Variants in HFM1 observed in about 807,000 individuals in gnomAD.
HFM1 encodes helicase for meiosis 1, also known as probable ATP-dependent DNA helicase HFM1.
HFM1 carries 169 observed loss-of-function variants against 192.1 expected under a neutral mutation model. The observed-to-expected ratio is 0.88, with a 90% CI of 0.78 to 1.00. HFM1 has a LOEUF of 1.00. Among genes scored for constraint, HFM1 ranks in the 50% least tolerant of loss-of-function variants. The pLI, the probability that HFM1 is intolerant of heterozygous loss-of-function variation, is 0.00. For synonymous variants in HFM1, 525 were observed against 537.8 expected (o/e 0.98, Z 0.33); for missense variants, 1,661 against 1,668.0 (o/e 1.00, Z 0.07).
chr1:91,353,199 A>C (rs915589849), intron 14 of HFM1, 47 bp from the exon 15 acceptor site: 1 of 1,553,564 alleles, frequency 6.4e-7, no homozygotes, highest in African/African-American at 1.4e-5. Context: ...TTCATCAATA[A>C]TTGGCACCTT....
chr1:91,394,784 G>A (rs1047378914), intron 3 of HFM1, among the ~76,000 whole-genome samples: 2 of 151,958 alleles, frequency 1.3e-5, no homozygotes, highest in Non-Finnish European at 2.9e-5. Flanking sequence ...TATATAAAAT[G>A]TTACCAAACA....
intron 13 of HFM1, among the ~76,000 whole-genome samples, chr1:91,368,351 G>T (rs1036742451): frequency 6.6e-6 from 1 of 152,184 alleles, no homozygotes; most frequent in African/African-American, 2.4e-5. Context: ...CAGAGAGAAA[G>T]GTTGGGTTAC....
At chr1:91,359,253 G>A (rs1371598661) in intron 13 of HFM1, among the ~76,000 whole-genome samples, 1 of 152,142 alleles carries the variant, frequency 6.6e-6, no homozygotes, top group Non-Finnish European at 1.5e-5. Context: ...TGGAGGCTGA[G>A]ATGGCTGAAT....
At chr1:91,371,827 C>G (rs2101928947) in intron 13 of HFM1, among the ~76,000 whole-genome samples, 1 of 152,256 alleles carries the variant, frequency 6.6e-6, no homozygotes, top group South Asian at 2.1e-4. Context: ...AAAATTTTTG[C>G]CATCTACTCA....
chr1:91,345,621 C>G (rs1656029093), intron 19 of HFM1, among the ~76,000 whole-genome samples: 1 of 152,154 alleles, frequency 6.6e-6, no homozygotes, highest in African/African-American at 2.4e-5. Flanking sequence ...TGACTCAAGG[C>G]ATTTCGAACT....
intron 37 of HFM1, 35 bp from the exon 38 acceptor site, chr1:91,262,427 G>A (rs1665254342): frequency 3.2e-6 from 5 of 1,580,150 alleles, no homozygotes; most frequent in Non-Finnish European, 4.3e-6. Flanking sequence ...ATCATTGAAA[G>A]TTTAAGCACT....
At chr1:91,302,498 G>T (rs1248652461) in intron 30 of HFM1, among the ~76,000 whole-genome samples, 3 of 152,014 alleles carry the variant, frequency 2.0e-5, no homozygotes, top group Admixed American at 2.0e-4. Flanking sequence ...GTTTATTGTG[G>T]CCCTATTCAC....
chr1:91,337,790 A>G (rs1654796241), intron 20 of HFM1, among the ~76,000 whole-genome samples: 1 of 152,234 alleles, frequency 6.6e-6, no homozygotes, highest in African/African-American at 2.4e-5. Context: ...GTGCAAAGGA[A>G]GAGAACCCTC....
intron 13 of HFM1, among the ~76,000 whole-genome samples, chr1:91,371,146 C>A (rs1264727584): frequency 6.6e-6 from 1 of 151,918 alleles, no homozygotes; most frequent in South Asian, 2.1e-4. Flanking sequence ...GAATCAATAT[C>A]CTGAAAATGG....
In HFM1 at chr1:91,324,781, A is replaced by T; in HGVS notation, c.2336-15T>A. ...TCTTCCTGCTTCTGTAAGAAAAGAC[A>T]GAAAAATGAACGGTCCCCTCATCAG... On this transcript the variant is annotated splice_polypyrimidine_tract_variant and intron_variant, in intron 20 of 38. Transcript: ENST00000370425. The T allele has an allele frequency of 7.2e-7, 1 of 1,385,222 alleles. No homozygotes were observed. The highest frequency in any genetic ancestry group is 1.0e-6 in the Non-Finnish European group (1 of 972,686). 85.8% of individuals were successfully genotyped at this position (1,385,222 alleles called of 1,614,324 possible). A position where few individuals can be genotyped will look rare whatever the true frequency, so the allele number is the denominator to read the frequency against.
chr1:91,274,417 C>T (rs1291435103), intron 33 of HFM1, among the ~76,000 whole-genome samples: 1 of 151,962 alleles, frequency 6.6e-6, no homozygotes, highest in Non-Finnish European at 1.5e-5. Flanking sequence ...ACATGATTTC[C>T]ATTTTAAAGT....
At chr1:91,377,919 C>T in intron 11 of HFM1, 106 bp downstream of exon 11, 2 of 953,322 alleles carry the variant, frequency 2.1e-6, no homozygotes, top group South Asian at 2.9e-5. Flanking sequence ...ACATACTTTC[C>T]TATTAAAGGA....
At chr1:91,325,680 A>G (rs1481416690) in intron 20 of HFM1, among the ~76,000 whole-genome samples, 1 of 152,224 alleles carries the variant, frequency 6.6e-6, no homozygotes, top group Non-Finnish European at 1.5e-5. Flanking sequence ...TGTGAAGACT[A>G]GAATAAATAC....
At chr1:91,320,764 A>G (rs549053811) in intron 23 of HFM1, among the ~76,000 whole-genome samples, 1 of 152,092 alleles carries the variant, frequency 6.6e-6, no homozygotes, top group Admixed American at 6.6e-5. Flanking sequence ...GTGATGTCCT[A>G]TGATCTTACC....
At chr1:91,316,281 C>T in intron 26 of HFM1, 97 bp from the exon 27 acceptor site, 1 of 1,000,226 alleles carries the variant, frequency 1.0e-6, no homozygotes, top group Non-Finnish European at 1.5e-6. Flanking sequence ...TGCTTATCAC[C>T]CAAAAGTAAG....
Position 91,272,373 on chromosome 1 carries a change from T to TA in HFM1, c.3772+1338dup, listed in dbSNP as rs113754966. Among the ~76,000 whole-genome samples, 34 of 148,812 alleles carry TA rather than the reference T, an allele frequency of 2.3e-4. No homozygotes were observed. The Middle Eastern group carries it at 0.01, about 45-fold the overall frequency. On this transcript the variant is annotated intron_variant, in intron 34 of 38. Coordinates refer to ENST00000370425, the MANE Select transcript of HFM1 (RefSeq NM_001017975.6). ...ACTACTATACCATGCAGCAACTTCTTAAAAAAAAAATGGCCCACTCAGTAA... is the reference window on the plus strand; with the variant it reads ...ACTACTATACCATGCAGCAACTTCTTAAAAAAAAAAATGGCCCACTCAGTAA...
At chr1:91,296,385 A>T (rs1434182218) in intron 30 of HFM1, among the ~76,000 whole-genome samples, 1 of 152,144 alleles carries the variant, frequency 6.6e-6, no homozygotes, top group Non-Finnish European at 1.5e-5. Flanking sequence ...TAATGTGTCT[A>T]TCCTTATGCC....
At chr1:91,372,335 A>G (rs1431074295) in intron 13 of HFM1, among the ~76,000 whole-genome samples, 1 of 152,234 alleles carries the variant, frequency 6.6e-6, no homozygotes, top group Non-Finnish European at 1.5e-5. Flanking sequence ...CTTGGAACCA[A>G]CCCAAATGTC....
At chr1:91,401,221 C>A in intron 1 of HFM1, 112 bp from the exon 2 acceptor site, 1 of 572,930 alleles carries the variant, frequency 1.7e-6, no homozygotes, top group South Asian at 2.3e-5. Context: ...CACAGACTAT[C>A]CTTCCAGCTT....
Sources: gnomAD v4.1 joint callset for allele counts (sites outside exome capture counted in the v4.1 genomes callset) on GRCh38, gnomAD v4.1.1 for gene constraint, MANE v1.5 for transcripts, NCBI Gene and HGNC (gene_info 2026-07-23, HGNC 2026-07-21) for gene names.